Variants in SLC12A1 observed in about 807,000 individuals in gnomAD.
SLC12A1 encodes solute carrier family 12 member 1, also known as Na-K-2Cl cotransporter.
A neutral mutation model predicts 130.4 loss-of-function variants in SLC12A1; 89 were observed. The observed-to-expected ratio is 0.68, with a 90% CI of 0.58 to 0.81. The LOEUF (loss-of-function observed/expected upper bound fraction) is 0.81. SLC12A1 is among the 40% of genes least tolerant of loss of function. The pLI is 0.00. For missense variants in SLC12A1, 1,310 were observed against 1,336.4 expected (o/e 0.98, Z 0.31); for synonymous variants, 499 against 460.0 (o/e 1.08, Z -1.09).
At chr15:48,254,468 C>T (rs975599613) in intron 15 of SLC12A1, among the ~76,000 whole-genome samples, 2 of 151,786 alleles carry the variant, frequency 1.3e-5, no homozygotes, top group Non-Finnish European at 2.9e-5. Flanking sequence ...TCACCCATTT[C>T]CCTGGCTTTC....
intron 20 of SLC12A1, 24 bp from the exon 21 acceptor site, chr15:48,285,082 G>A (rs763946604): frequency 2.6e-6 from 4 of 1,533,676 alleles, no homozygotes; most frequent in Non-Finnish European, 3.5e-6. Context: ...GAGTTAAGTA[G>A]GTGATTTTGT....
chr15:48,278,406 T>G (rs2041977262), intron 20 of SLC12A1, among the ~76,000 whole-genome samples: 1 of 152,214 alleles, frequency 6.6e-6, no homozygotes, highest in South Asian at 2.1e-4. Flanking sequence ...ACAAGGCTAG[T>G]CATTGGTACA....
intron 13 of SLC12A1, among the ~76,000 whole-genome samples, chr15:48,248,779 A>G (rs940199232): frequency 6.6e-5 from 10 of 152,358 alleles, no homozygotes; most frequent in African/African-American, 2.2e-4. Flanking sequence ...ACGGTGGCTT[A>G]CGCCTGTTCA....
intron 17 of SLC12A1, among the ~76,000 whole-genome samples, chr15:48,265,816 T>C (rs1460911594): frequency 6.6e-6 from 1 of 152,206 alleles, no homozygotes; most frequent in Admixed American, 6.5e-5. Flanking sequence ...GAATGTTGTG[T>C]AATAGAAATA....
Position 48,220,705 on chromosome 15 carries a change from T to C in SLC12A1, c.492T>C (p.Ala164=), listed in dbSNP as rs201779201. Residue 164 remains alanine (A), a synonymous_variant, in exon 3 of 27, where the codon GCT becomes GCC. Coordinates refer to ENST00000380993, the MANE Select transcript of SLC12A1 (RefSeq NM_000338.3). Reference sequence around the variant, plus strand: ...ATGGGATACCTGGAGATGAACAAGCTGAAAATAAGGAAGATGATCAAGCTG... The same window carrying C: ...ATGGGATACCTGGAGATGAACAAGCCGAAAATAAGGAAGATGATCAAGCTG... ...NGDGIPGDEQ[A]ENKEDDQAGV... 4 of 1,613,828 alleles carry C rather than the reference T, an allele frequency of 2.5e-6. No homozygotes were observed. The highest frequency in any genetic ancestry group is 3.4e-6 in the Non-Finnish European group (4 of 1,179,822).
intron 23 of SLC12A1, among the ~76,000 whole-genome samples, chr15:48,288,916 A>T (rs1162074565): frequency 2.0e-5 from 3 of 152,052 alleles, no homozygotes; most frequent in Non-Finnish European, 4.4e-5. Flanking sequence ...CATGGCAGTC[A>T]CTCTTAGAAC....
intron 5 of SLC12A1, chr15:48,228,557 T>A (rs887830469): frequency 5.7e-6 from 1 of 173,966 alleles, no homozygotes; most frequent in African/African-American, 2.4e-5. Context: ...ATTTTACGTA[T>A]GTACCTATAT....
At chr15:48,289,027 ATCTGGGTCCCCAGTT>A (rs934597981) in intron 23 of SLC12A1, among the ~76,000 whole-genome samples, 1 of 152,040 alleles carries the variant, frequency 6.6e-6, no homozygotes. Flanking sequence ...CTCCAAACGC[ATCTGGGTCCCCAGTT>A]TCTCCTTTGT....
intron 5 of SLC12A1, chr15:48,227,023 T>C: frequency 8.9e-7 from 1 of 1,123,076 alleles, no homozygotes; most frequent in Non-Finnish European, 1.3e-6. Flanking sequence ...CCTCCTGAAG[T>C]ACTGGTGACT....
At chr15:48,233,604 C>G (rs960190705) in intron 8 of SLC12A1, among the ~76,000 whole-genome samples, 5 of 152,162 alleles carry the variant, frequency 3.3e-5, no homozygotes, top group Admixed American at 6.5e-5. Context: ...TCTATCTGTT[C>G]TTGCCTTTCT....
At chr15:48,239,897 C>T (rs777420150) in intron 9 of SLC12A1, among the ~76,000 whole-genome samples, 14 of 151,534 alleles carry the variant, frequency 9.2e-5, no homozygotes, top group South Asian at 2.1e-4. Flanking sequence ...GTGATCTGCC[C>T]GCCTTGGCCT....
At chr15:48,238,971 T>C (rs1329983721) in intron 9 of SLC12A1, among the ~76,000 whole-genome samples, 1 of 152,200 alleles carries the variant, frequency 6.6e-6, no homozygotes, top group East Asian at 1.9e-4. Flanking sequence ...GTGGTTGACA[T>C]ACCCAGAAAG....
chr15:48,245,771 T>C (rs1241345915), intron 11 of SLC12A1, among the ~76,000 whole-genome samples: 1 of 152,236 alleles, frequency 6.6e-6, no homozygotes, highest in African/African-American at 2.4e-5. Flanking sequence ...ATATTTTCTT[T>C]TGGATATATA....
chr15:48,280,819 A>G (rs1257427389), intron 20 of SLC12A1, among the ~76,000 whole-genome samples: 2 of 151,782 alleles, frequency 1.3e-5, no homozygotes. Context: ...TCTTTCAAAC[A>G]TTGTCTTTTG....
chr15:48,213,697 G>C (rs1438196573), intron 2 of SLC12A1, among the ~76,000 whole-genome samples: 1 of 151,718 alleles, frequency 6.6e-6, no homozygotes, highest in Non-Finnish European at 1.5e-5. Flanking sequence ...TTTTTGTTTT[G>C]TATTTTTAGT....
At chr15:48,295,925 A>G (rs914189799) in intron 24 of SLC12A1, among the ~76,000 whole-genome samples, 10 of 152,202 alleles carry the variant, frequency 6.6e-5, no homozygotes, top group African/African-American at 2.4e-4. Context: ...TGGTCATTCA[A>G]TAAATCTCAC....
intron 2 of SLC12A1, among the ~76,000 whole-genome samples, chr15:48,213,125 A>G (rs76870643): frequency 6.6e-6 from 1 of 152,232 alleles, no homozygotes; most frequent in African/African-American, 2.4e-5. Flanking sequence ...TCCAAGGTCA[A>G]GAAACCAAGG....
At position 48,288,099 on chromosome 15, in the gene SLC12A1, G is replaced by A. The variant is rs764323901; in HGVS notation, c.2686G>A (p.Val896Met). ...TGTGGGAGAGTTCAACCAGAAACTG[G>A]TGGAAGCCAGCACTCAATTTAAAAA... is the stretch of plus-strand genomic sequence containing the variant. Reference protein sequence around the residue: ...MHVGEFNQKLVEASTQFKKKQ... With the variant: ...MHVGEFNQKLMEASTQFKKKQ... Residue 896 changes from valine (V) to methionine (M), a missense_variant, in exon 22 of 27, where the codon GTG becomes ATG. Transcript: ENST00000380993. 2.5e-6 allele frequency: 4 copies of A among 1,611,092 alleles called. No homozygotes were observed. In the East Asian group the frequency reaches 8.9e-5, roughly 36 times the overall value.
At chr15:48,226,619 G>C (rs758188578) in intron 5 of SLC12A1, 48 bp downstream of exon 5, 33 of 1,156,826 alleles carry the variant, frequency 2.9e-5, no homozygotes, top group Admixed American at 9.2e-5. Flanking sequence ...CTACGGGTAG[G>C]CGAACAATTT....
Sources: allele counts gnomAD v4.1 joint callset (sites outside exome capture counted in the v4.1 genomes callset), GRCh38; gene constraint gnomAD v4.1.1; transcripts MANE v1.5; gene names NCBI Gene and HGNC (gene_info 2026-07-23, HGNC 2026-07-21).